DIDO1: variants seen among roughly 807,000 people sequenced by gnomAD.
DIDO1 encodes the protein death-inducer obliterator 1.
A neutral mutation model predicts 99.4 loss-of-function variants in DIDO1; 16 were observed. The observed-to-expected ratio is 0.16, with a 90% confidence interval of 0.11 to 0.24. The LOEUF (loss-of-function observed/expected upper bound fraction) is 0.24, where lower values mean the gene tolerates loss of function less well. Ranked by LOEUF, DIDO1 falls within the 10% of genes least tolerant of loss-of-function variation. DIDO1 has a pLI of 1.00. For missense variants in DIDO1, 2,996 were observed against 3,014.0 expected (o/e 0.99, Z 0.14); for synonymous variants, 1,366 against 1,239.1 (o/e 1.10, Z -2.15).
chr20:62,936,856 C>A (rs776952400), intron 1 of DIDO1, among the ~76,000 whole-genome samples: 18 of 152,240 alleles, frequency 1.2e-4, no homozygotes, highest in Non-Finnish European at 2.5e-4. Flanking sequence ...AGTGAGACTT[C>A]GTCTCAAAAT....
In DIDO1 at chr20:62,903,222, A is replaced by G. The variant is rs902807623; in HGVS notation, c.1588+2665T>C. Among the ~76,000 whole-genome samples, 9 of 152,326 alleles carry G rather than the reference A, an allele frequency of 5.9e-5. No individual in the cohort carries two copies. The East Asian group carries it at 1.7e-3, about 29-fold the overall frequency. The stretch of plus-strand genomic sequence containing the variant: ...GCTGTGAAGGACCTACTGATATCTT[A>G]GCAGGGGGCACAGCCTCCTTCTAGC... On this transcript the variant is annotated intron_variant, in intron 6 of 15. Transcript: ENST00000395343.
Position 62,894,391 on chromosome 20 carries a change from C to T in DIDO1, c.2572+22G>A. On this transcript the variant is annotated intron_variant, in intron 11 of 15. Coordinates refer to ENST00000395343, the MANE Select transcript of DIDO1 (RefSeq NM_001193369.2). This position sits in a 1 kb window ranked among gnomAD's most constrained non-coding sequence, Gnocchi z 4.4. ...CAAGTTTAGTCTCAGCTCCAAGGCT[C>T]CATCCCCTGCACTGTGCTCACCTGT... is the stretch of plus-strand genomic sequence containing the variant. 6.2e-7 allele frequency: 1 copy of T among 1,606,968 alleles called. No homozygotes were observed. The highest frequency in any genetic ancestry group is 1.7e-4 in the Middle Eastern group (1 of 6,044).
intron 15 of DIDO1, chr20:62,889,373 G>C: frequency 1.1e-6 from 1 of 887,094 alleles, no homozygotes; most frequent in Non-Finnish European, 1.3e-6. Context: ...CCCTACAACC[G>C]TGCTCACCTG....
At position 62,906,026 on chromosome 20, in the gene DIDO1, CACT is replaced by C; in HGVS notation, c.1446_1448del (p.Val485del). 1.2e-6 allele frequency: 2 copies of C among 1,614,008 alleles called. No individual in the cohort carries two copies. Among genetic ancestry groups the C allele is most frequent in the Non-Finnish European group, 1.7e-6 (2 of 1,180,036 alleles). ...GTGCTTCACTCCGCGCAGGGACCAC[CACT>C]GCCTTCTTCACTGTGGTCTCTTTTT... is the stretch of plus-strand genomic sequence containing the variant. On this transcript the variant is annotated inframe_deletion, in exon 6 of 16. Transcript: ENST00000395343.
Position 62,925,234 on chromosome 20 carries a change from A to G in DIDO1, c.-200+1205T>C, listed in dbSNP as rs552083706. 1.1e-4 allele frequency among the ~76,000 whole-genome samples: 16 copies of G among 152,342 alleles called. No individual in the cohort carries two copies. The South Asian group carries it at 3.3e-3, about 32-fold the overall frequency. ...GTTCCCCAGTGAACTTGTCTCCAGG[A>G]CTGGGACAGGGGCCACCTTGGTCAC... is the stretch of plus-strand genomic sequence containing the variant. On this transcript the variant is annotated intron_variant, in intron 1 of 15. Coordinates refer to ENST00000395343, the MANE Select transcript of DIDO1 (RefSeq NM_001193369.2).
intron 1 of DIDO1, among the ~76,000 whole-genome samples, chr20:62,922,153 CACAA>C (rs541926908): frequency 3.4e-3 from 513 of 150,318 alleles, no homozygotes; most frequent in African/African-American, 0.011. Context: ...CACACACACA[CACAA>C]ACAATGCCCG....
At chr20:62,884,648 AC>A (rs1276007024) in intron 15 of DIDO1, among the ~76,000 whole-genome samples, 2 of 152,214 alleles carry the variant, frequency 1.3e-5, no homozygotes, top group Non-Finnish European at 2.9e-5. Flanking sequence ...CAGGCTGAGC[AC>A]GGAAGATGGG....
In DIDO1 at chr20:62,909,691, A is replaced by T. The variant is rs1270293858; in HGVS notation, c.1161+8T>A. 6.2e-7 allele frequency: 1 copy of T among 1,611,182 alleles called. No individual in the cohort carries two copies. The highest frequency in any genetic ancestry group is 2.2e-5 in the East Asian group (1 of 44,854). ...GCTGAATGCTCGTCTCAGCGGACAA[A>T]CACTTACAGGCTGGAAGATCTTGAG... On this transcript the variant is annotated splice_region_variant and intron_variant, in intron 4 of 15. Coordinates refer to ENST00000395343, the MANE Select transcript of DIDO1 (RefSeq NM_001193369.2).
At chr20:62,924,540 AG>A (rs2065216821) in intron 1 of DIDO1, among the ~76,000 whole-genome samples, 1 of 152,238 alleles carries the variant, frequency 6.6e-6, no homozygotes, top group Admixed American at 6.5e-5. Flanking sequence ...TATGACCCTA[AG>A]GCTGTAGAAA....
chr20:62,926,513 G>A (rs955202702), upstream of DIDO1: 9 of 151,890 alleles, frequency 5.9e-5, no homozygotes, highest in African/African-American at 2.2e-4. Flanking sequence ...GATGGCGCGG[G>A]GCTAGAGCGG....
At chr20:62,924,756 C>A (rs530735449) in intron 1 of DIDO1, among the ~76,000 whole-genome samples, 1 of 152,296 alleles carries the variant, frequency 6.6e-6, no homozygotes, top group South Asian at 2.1e-4. Flanking sequence ...ACCATGGGTA[C>A]GGCTGGGCAG....
chr20:62,937,574 G>A (rs1366256854), intron 1 of DIDO1, among the ~76,000 whole-genome samples: 1 of 152,230 alleles, frequency 6.6e-6, no homozygotes, highest in Non-Finnish European at 1.5e-5. Context: ...AACATCTCGA[G>A]TAAAGCGGGG....
At chr20:62,912,016 G>A (rs1304664425) in intron 2 of DIDO1, among the ~76,000 whole-genome samples, 4 of 152,198 alleles carry the variant, frequency 2.6e-5, no homozygotes, top group African/African-American at 4.8e-5. Context: ...CAGCACCTCC[G>A]CAGGCAGATG....
At chr20:62,919,385 CA>C (rs1479780844) in intron 1 of DIDO1, among the ~76,000 whole-genome samples, 1 of 152,016 alleles carries the variant, frequency 6.6e-6, no homozygotes, top group African/African-American at 2.4e-5. Context: ...ACTAAAAACA[CA>C]AAAATTAGCA....
chr20:62,912,792 G>C (rs2064970715), intron 2 of DIDO1, among the ~76,000 whole-genome samples: 1 of 152,216 alleles, frequency 6.6e-6, no homozygotes, highest in South Asian at 2.1e-4. Flanking sequence ...AGCACTTCGG[G>C]AGGCCGAGGC....
intron 15 of DIDO1, chr20:62,890,366 G>A: frequency 1.0e-6 from 1 of 986,668 alleles, no homozygotes; most frequent in Non-Finnish European, 1.2e-6. Context: ...TGACAAAGAT[G>A]TATTTTAGGC....
chr20:62,913,369 A>G (rs2147518603), intron 2 of DIDO1, among the ~76,000 whole-genome samples: 1 of 152,186 alleles, frequency 6.6e-6, no homozygotes, highest in Non-Finnish European at 1.5e-5. Flanking sequence ...AGATGGTGGT[A>G]AACAGAAAGG....
intron 1 of DIDO1, among the ~76,000 whole-genome samples, chr20:62,926,083 C>T (rs922464659): frequency 3.9e-5 from 6 of 152,296 alleles, no homozygotes; most frequent in African/African-American, 9.6e-5. Context: ...CGCACTCGCC[C>T]AGGCCAGCCC....
In DIDO1 at chr20:62,889,826, T is replaced by C. The variant is rs2064361772; in HGVS notation, c.3541+1134A>G. The C allele has an allele frequency of 5.1e-6, 5 of 985,358 alleles. No individual in the cohort carries two copies. The South Asian group carries it at 1.4e-4, about 28-fold the overall frequency. The allele number at this position is 985,358 out of a possible 1,614,324, so 61.0% of individuals were successfully genotyped here. On this transcript the variant is annotated intron_variant, in intron 15 of 15. Transcript: ENST00000395343. ...TTTATCTGGCACTAAAATAATTTAA[T>C]GCACCACGCCAGCAAATATTTAACC...
Sources: gnomAD v4.1 joint callset for allele counts (sites outside exome capture counted in the v4.1 genomes callset) on GRCh38, gnomAD v4.1.1 for gene constraint, Gnocchi (gnomAD v3.1) non-coding constraint, MANE v1.5 for transcripts, NCBI Gene and HGNC (gene_info 2026-07-23, HGNC 2026-07-21) for gene names.